The following SLC39A11 variants were observed in gnomAD, a reference collection of about 807,000 sequenced individuals.
The protein encoded by SLC39A11 is solute carrier family 39 member 11.
SLC39A11 carries 33 observed loss-of-function variants against 36.1 expected under a neutral mutation model. The ratio of observed to expected loss-of-function variants is 0.91; its 90% CI spans 0.69 to 1.22. SLC39A11 has a LOEUF of 1.22. Among genes scored for constraint, SLC39A11 ranks in the 50% most tolerant of loss-of-function variants. The probability of loss-of-function intolerance (pLI) is 0.00; values close to 1 mark genes in which losing one functional copy is unlikely to be tolerated. For missense variants in SLC39A11, 432 were observed against 430.3 expected, an observed-to-expected ratio of 1.00 and a Z score of -0.03; for synonymous variants, 166 against 170.3, an observed-to-expected ratio of 0.97 and a Z score of 0.20.
At chr17:72,796,239 G>A (rs71377876) in intron 6 of SLC39A11, among the ~76,000 whole-genome samples, 8 of 152,064 alleles carry the variant, frequency 5.3e-5, no homozygotes, top group East Asian at 1.9e-4. Flanking sequence ...CAGAAGAGCC[G>A]GGAAGTCACA....
intron 3 of SLC39A11, among the ~76,000 whole-genome samples, chr17:73,035,683 G>A (rs1031651336): frequency 6.6e-6 from 1 of 151,652 alleles, no homozygotes; most frequent in African/African-American, 2.4e-5. Flanking sequence ...GACCAACATG[G>A]TGAAATCCTG....
chr17:72,971,619 G>A (rs1205319027), intron 4 of SLC39A11, among the ~76,000 whole-genome samples: 2 of 152,216 alleles, frequency 1.3e-5, no homozygotes, highest in African/African-American at 4.8e-5. Context: ...CCCGTGAGCA[G>A]AGCACCAACG....
chr17:72,922,873 C>T (rs1036785290), intron 5 of SLC39A11, among the ~76,000 whole-genome samples: 2 of 141,358 alleles, frequency 1.4e-5, no homozygotes, highest in African/African-American at 5.2e-5. Context: ...GAGGCTGAGG[C>T]ACGAGAATTC....
chr17:72,861,928 C>A (rs2080061221), intron 5 of SLC39A11, among the ~76,000 whole-genome samples: 1 of 150,812 alleles, frequency 6.6e-6, no homozygotes, highest in Non-Finnish European at 1.5e-5. Flanking sequence ...CCAGGAAGAA[C>A]AAGCACCACT....
chr17:72,934,809 C>G (rs1286608697), intron 5 of SLC39A11, among the ~76,000 whole-genome samples: 1 of 152,178 alleles, frequency 6.6e-6, no homozygotes, highest in African/African-American at 2.4e-5. Flanking sequence ...TAGGGAAATA[C>G]AAATGAAAGT....
At chr17:72,730,119 C>T (rs754846362) in intron 7 of SLC39A11, among the ~76,000 whole-genome samples, 15 of 152,204 alleles carry the variant, frequency 9.9e-5, no homozygotes, top group Non-Finnish European at 1.3e-4. Flanking sequence ...TTATATATGT[C>T]CACTGCATGC....
At chr17:72,708,689 C>T (rs2143246562) in intron 7 of SLC39A11, among the ~76,000 whole-genome samples, 1 of 152,336 alleles carries the variant, frequency 6.6e-6, no homozygotes, top group East Asian at 1.9e-4. Flanking sequence ...AAGGAGAGTT[C>T]ACTCAGCAGT....
chr17:72,682,079 C>T (rs75223164), intron 7 of SLC39A11, among the ~76,000 whole-genome samples: 18 of 149,464 alleles, frequency 1.2e-4, no homozygotes, highest in African/African-American at 3.8e-4. Context: ...CAGAGGAGCA[C>T]GAACCCTATC....
chr17:72,789,552 G>A (rs2076634284), intron 6 of SLC39A11, among the ~76,000 whole-genome samples: 1 of 152,302 alleles, frequency 6.6e-6, no homozygotes, highest in East Asian at 1.9e-4. Flanking sequence ...GAAGATAATA[G>A]CCACAGCTCT....
At chr17:73,037,577 G>A (rs1598961858) in intron 3 of SLC39A11, among the ~76,000 whole-genome samples, 1 of 152,340 alleles carries the variant, frequency 6.6e-6, no homozygotes. Flanking sequence ...TCCTTCTGCA[G>A]CTGTGACCCC....
chr17:72,815,809 C>G (rs187036154), intron 6 of SLC39A11, among the ~76,000 whole-genome samples: 17 of 151,712 alleles, frequency 1.1e-4, no homozygotes, highest in African/African-American at 3.4e-4. Flanking sequence ...GCAGTTCCAG[C>G]TACTTGGGAG....
chr17:72,914,575 G>A (rs1323848926), intron 5 of SLC39A11, among the ~76,000 whole-genome samples: 1 of 152,030 alleles, frequency 6.6e-6, no homozygotes, highest in Admixed American at 6.6e-5. Flanking sequence ...GGTACTGAGG[G>A]ACAGTTGTAT....
At chr17:72,923,563 C>T (rs978215337) in intron 5 of SLC39A11, among the ~76,000 whole-genome samples, 1 of 152,086 alleles carries the variant, frequency 6.6e-6, no homozygotes, top group Non-Finnish European at 1.5e-5. Flanking sequence ...AATAGTGACC[C>T]GTGATCCAGC....
At chr17:72,958,954 A>C (rs1371738911) in intron 4 of SLC39A11, among the ~76,000 whole-genome samples, 3 of 152,150 alleles carry the variant, frequency 2.0e-5, no homozygotes, top group African/African-American at 7.2e-5. Context: ...TGCAAATCAA[A>C]ACCACAATGC....
chr17:72,941,650 C>G (rs1293662080), intron 5 of SLC39A11, among the ~76,000 whole-genome samples: 3 of 151,588 alleles, frequency 2.0e-5, no homozygotes, highest in Non-Finnish European at 4.4e-5. Context: ...GCAAAAGACT[C>G]TATAAAGCGT....
At chr17:73,068,154 C>T (rs2060052478) in intron 3 of SLC39A11, 1 of 1,295,560 alleles carries the variant, frequency 7.7e-7, no homozygotes, top group South Asian at 1.2e-5. Context: ...CCAGCAGGTT[C>T]CTCTGTTCCC....
At chr17:73,018,384 A>T (rs529428041) in intron 4 of SLC39A11, among the ~76,000 whole-genome samples, 1 of 152,170 alleles carries the variant, frequency 6.6e-6, no homozygotes, top group Admixed American at 6.5e-5. Flanking sequence ...CCCTATCTCT[A>T]CTAAACTACA....
At chr17:72,833,371 T>G (rs1037085723) in intron 6 of SLC39A11, among the ~76,000 whole-genome samples, 1 of 152,244 alleles carries the variant, frequency 6.6e-6, no homozygotes, top group African/African-American at 2.4e-5. Context: ...CACTTTATCC[T>G]TATCACAAAG....
intron 4 of SLC39A11, among the ~76,000 whole-genome samples, chr17:72,952,308 G>C (rs996473932): frequency 3.3e-5 from 5 of 152,204 alleles, no homozygotes; most frequent in African/African-American, 9.6e-5. Context: ...TATTGATAGG[G>C]AAGAGGAATA....
Sources: gnomAD v4.1 joint callset for allele counts (sites outside exome capture counted in the v4.1 genomes callset) on GRCh38, gnomAD v4.1.1 for gene constraint, MANE v1.5 for transcripts, NCBI Gene and HGNC (gene_info 2026-07-23, HGNC 2026-07-21) for gene names.